CCSER2: variants seen among roughly 807,000 people sequenced by gnomAD.
CCSER2 encodes coiled-coil serine rich protein 2.
CCSER2 carries 46 observed loss-of-function variants against 92.3 expected under a neutral mutation model. The observed-to-expected ratio is 0.50, with a 90% CI of 0.39 to 0.64. The LOEUF (loss-of-function observed/expected upper bound fraction) is 0.64, where lower values mean the gene tolerates loss of function less well. Ranked by LOEUF, CCSER2 falls within the 30% of genes least tolerant of loss-of-function variation. The pLI is 0.00. For synonymous variants in CCSER2, 433 were observed against 431.4 expected, an observed-to-expected ratio of 1.00 and a Z score of -0.04; for missense variants, 1,244 against 1,238.9, an observed-to-expected ratio of 1.00 and a Z score of -0.06.
chr10:84,505,361 G>C (rs901974731), intron 9 of CCSER2, among the ~76,000 whole-genome samples: 1 of 151,862 alleles, frequency 6.6e-6, no homozygotes, highest in Non-Finnish European at 1.5e-5. Context: ...TTAATTAAAG[G>C]GTATACACTT....
At chr10:84,424,344 G>C (rs1843318053) in intron 4 of CCSER2, among the ~76,000 whole-genome samples, 1 of 149,888 alleles carries the variant, frequency 6.7e-6, no homozygotes, top group Admixed American at 6.7e-5. Flanking sequence ...AAGTTCAAAT[G>C]TAAGGCTTCT....
intron 9 of CCSER2, among the ~76,000 whole-genome samples, chr10:84,498,442 C>CT (rs997979354): frequency 1.2e-4 from 18 of 148,808 alleles, no homozygotes; most frequent in East Asian, 5.8e-4. Context: ...GTTTTTGTGG[C>CT]TTTTTTTTTT....
At position 84,512,445 on chromosome 10, in the gene CCSER2, C is replaced by A. The variant is rs1269886125; in HGVS notation, c.2326-1004C>A. On this transcript the variant is annotated intron_variant, in intron 9 of 9. Coordinates refer to ENST00000372088, the MANE Select transcript of CCSER2 (RefSeq NM_001284240.2). Reference sequence around the variant, plus strand: ...AGAGATAATGCATTTGTAGCAAATACCCCTGTATCAGGACAGGCCCAGTTG... The same window carrying A: ...AGAGATAATGCATTTGTAGCAAATAACCCTGTATCAGGACAGGCCCAGTTG... 4.2e-5 allele frequency among the ~76,000 whole-genome samples: 5 copies of A among 118,156 alleles called. No homozygotes were observed. The East Asian group carries it at 1.4e-3, about 32-fold the overall frequency. 77.5% of individuals were successfully genotyped at this position (118,156 alleles called of 152,430 possible).
rs537631604 is a variant in CCSER2, at chr10:84,486,465, G to C, written c.2325+8801G>C. On this transcript the variant is annotated intron_variant, in intron 9 of 9. Transcript: ENST00000372088. ...CTGGTGTGAGATGGTATCTCATTGT[G>C]GTTTTGATTTGCATTTCTGTGATGG... 3.3e-5 allele frequency among the ~76,000 whole-genome samples: 5 copies of C among 152,292 alleles called. No individual in the cohort carries two copies. The South Asian group carries it at 1.0e-3, about 32-fold the overall frequency.
At chr10:84,447,415 C>T (rs151333140) in intron 6 of CCSER2, among the ~76,000 whole-genome samples, 6 of 152,136 alleles carry the variant, frequency 3.9e-5, no homozygotes, top group African/African-American at 1.2e-4. Flanking sequence ...TGTATGAGAG[C>T]GAGATTTTTG....
At chr10:84,422,498 T>A (rs996264588) in intron 4 of CCSER2, among the ~76,000 whole-genome samples, 2 of 152,226 alleles carry the variant, frequency 1.3e-5, no homozygotes, top group African/African-American at 4.8e-5. Flanking sequence ...TTCTTCTTTA[T>A]TTCTTATCTC....
At chr10:84,333,977 A>G (rs1027447901) in intron 1 of CCSER2, among the ~76,000 whole-genome samples, 3 of 152,228 alleles carry the variant, frequency 2.0e-5, no homozygotes, top group South Asian at 2.1e-4. Context: ...ATAGGATGAA[A>G]TAATACAGAA....
chr10:84,447,866 G>A (rs1429857936), intron 6 of CCSER2, among the ~76,000 whole-genome samples: 1 of 152,090 alleles, frequency 6.6e-6, no homozygotes, highest in Non-Finnish European at 1.5e-5. Context: ...CTGGGCAGTG[G>A]TGCAGTGTCG....
At chr10:84,366,923 A>C (rs1484648969) in intron 1 of CCSER2, among the ~76,000 whole-genome samples, 5 of 152,222 alleles carry the variant, frequency 3.3e-5, no homozygotes, top group Non-Finnish European at 7.3e-5. Context: ...AATGATGAGC[A>C]TAAGAACTAG....
At chr10:84,428,541 C>T (rs944607837) in intron 5 of CCSER2, among the ~76,000 whole-genome samples, 2 of 152,138 alleles carry the variant, frequency 1.3e-5, no homozygotes, top group Non-Finnish European at 1.5e-5. Context: ...TTTCTATATA[C>T]AAGATATGTT....
At chr10:84,384,480 A>G (rs1275124115) in intron 3 of CCSER2, among the ~76,000 whole-genome samples, 2 of 152,230 alleles carry the variant, frequency 1.3e-5, no homozygotes, top group Non-Finnish European at 2.9e-5. Context: ...GCATACACAC[A>G]TCAATAAATG....
intron 4 of CCSER2, 130 bp downstream of exon 4, chr10:84,417,991 T>G (rs1284791052): frequency 1.9e-6 from 1 of 539,466 alleles, no homozygotes; most frequent in African/African-American, 1.9e-5. Context: ...CAGTCTTAAG[T>G]GAGGTAAAAT....
chr10:84,371,951 A>G lies in CCSER2; in HGVS notation c.899A>G (p.Lys300Arg). The G allele has an allele frequency of 6.2e-7, 1 of 1,613,844 alleles. No individual in the cohort carries two copies. The highest frequency in any genetic ancestry group is 8.5e-7 in the Non-Finnish European group (1 of 1,179,836). Residue 300 changes from lysine (K) to arginine (R), a missense_variant, in exon 2 of 10, where the codon AAG (lysine) becomes AGG (arginine). Lys to Arg is a conservative substitution (Grantham distance 26). Transcript: ENST00000372088. ...AGGCCTTATGCTGCTGGTGGAAAGA[A>G]GTTGGCTTTACCAAATGGCCCAGGT... ...FNRPYAAGGK[K>R]LALPNGPGVT...
intron 1 of CCSER2, among the ~76,000 whole-genome samples, chr10:84,333,642 A>G (rs1843689915): frequency 1.3e-5 from 2 of 152,224 alleles, no homozygotes; most frequent in Non-Finnish European, 2.9e-5. Context: ...ATGTGGCTAT[A>G]TATTGAATTA....
rs187646311 is a variant in CCSER2, at chr10:84,487,909, G to A, written c.2325+10245G>A. The stretch of plus-strand genomic sequence containing the variant: ...AATAGTTCTGATTATTTTGAAATAC[G>A]TCCCATCAATACCTAATTTATTGAG... On this transcript the variant is annotated intron_variant, in intron 9 of 9. Transcript: ENST00000372088. Among the ~76,000 whole-genome samples the A allele has an allele frequency of 2.4e-4, 36 of 152,286 alleles. No homozygotes were observed. The East Asian group carries it at 6.4e-3, about 27-fold the overall frequency.
At chr10:84,404,457 A>G (rs1483574900) in intron 3 of CCSER2, among the ~76,000 whole-genome samples, 1 of 152,224 alleles carries the variant, frequency 6.6e-6, no homozygotes, top group Non-Finnish European at 1.5e-5. Context: ...GTGGACAGGA[A>G]GCAAGCATAT....
Position 84,476,927 on chromosome 10 carries a change from A to G in CCSER2, c.2236-648A>G, listed in dbSNP as rs568846613. ...GACACTCTTCAAAATATTTCAGTCC[A>G]GTAAAGTCAATACATCATGAAAGAG... On this transcript the variant is annotated intron_variant, in intron 8 of 9. Transcript: ENST00000372088. Among the ~76,000 whole-genome samples, 8 of 152,316 alleles carry G rather than the reference A, an allele frequency of 5.3e-5. No homozygotes were observed. In the South Asian group the frequency reaches 1.7e-3, roughly 32 times the overall value.
At chr10:84,496,528 G>T (rs1303333926) in intron 9 of CCSER2, among the ~76,000 whole-genome samples, 2 of 151,978 alleles carry the variant, frequency 1.3e-5, no homozygotes, top group African/African-American at 4.8e-5. Flanking sequence ...CTCGTGATCT[G>T]CCCGCCTCGG....
chr10:84,480,056 T>G (rs1418650721), intron 9 of CCSER2, among the ~76,000 whole-genome samples: 2 of 152,116 alleles, frequency 1.3e-5, no homozygotes, highest in Non-Finnish European at 2.9e-5. Flanking sequence ...GTTATTTAAT[T>G]TATTTTGAGA....
Sources: gnomAD v4.1 joint callset for allele counts (sites outside exome capture counted in the v4.1 genomes callset) on GRCh38, gnomAD v4.1.1 for gene constraint, MANE v1.5 for transcripts, NCBI Gene and HGNC (gene_info 2026-07-23, HGNC 2026-07-21) for gene names.